The following VPS13A variants were observed in gnomAD, a reference collection of about 807,000 sequenced individuals.
The protein encoded by VPS13A is intermembrane lipid transfer protein VPS13A.
A neutral mutation model predicts 390.9 loss-of-function variants in VPS13A; 264 were observed. The observed-to-expected ratio is 0.68, with a 90% CI of 0.61 to 0.75. The LOEUF is 0.75. Among genes scored for constraint, VPS13A ranks in the 30% least tolerant of loss-of-function variants. VPS13A has a pLI of 0.00. For missense variants in VPS13A, 3,409 were observed against 3,733.9 expected, an observed-to-expected ratio of 0.91 and a Z score of 2.27; for synonymous variants, 1,231 against 1,227.1, an observed-to-expected ratio of 1.00 and a Z score of -0.07.
chr9:77,365,391 C>T, intron 59 of VPS13A, 69 bp from the exon 60 acceptor site: 2 of 998,092 alleles, frequency 2.0e-6, no homozygotes, highest in Non-Finnish European at 3.2e-6. Flanking sequence ...GGCAGTGTGT[C>T]TTCTATTTGC....
At chr9:77,308,301 T>C (rs980887968) in intron 35 of VPS13A, among the ~76,000 whole-genome samples, 1 of 152,096 alleles carries the variant, frequency 6.6e-6, no homozygotes, top group Non-Finnish European at 1.5e-5. Context: ...CATTCAGACA[T>C]CTCTAAATTG....
intron 23 of VPS13A, among the ~76,000 whole-genome samples, chr9:77,265,003 TG>T (rs1205355119): frequency 1.3e-5 from 2 of 152,228 alleles, no homozygotes; most frequent in Non-Finnish European, 2.9e-5. Context: ...GTTTTTAGCA[TG>T]AAGGGTGTTG....
intron 36 of VPS13A, 137 bp downstream of exon 36, chr9:77,314,256 T>G: frequency 2.0e-6 from 2 of 982,828 alleles, no homozygotes; most frequent in African/African-American, 1.6e-5. Flanking sequence ...CTTTTTACTT[T>G]AATAATAATT....
At chr9:77,408,712 T>C (rs1395081455) in intron 71 of VPS13A, among the ~76,000 whole-genome samples, 1 of 152,164 alleles carries the variant, frequency 6.6e-6, no homozygotes, top group Non-Finnish European at 1.5e-5. Context: ...GCAGTCAGTC[T>C]GAGATCAAAG....
At chr9:77,299,981 G>A (rs1828249004) in intron 33 of VPS13A, among the ~76,000 whole-genome samples, 1 of 152,126 alleles carries the variant, frequency 6.6e-6, no homozygotes, top group South Asian at 2.1e-4. Flanking sequence ...TGTATGTGGA[G>A]CTTAAAATCT....
chr9:77,332,855 C>G (rs1830347275), intron 46 of VPS13A, among the ~76,000 whole-genome samples: 1 of 152,138 alleles, frequency 6.6e-6, no homozygotes, highest in Admixed American at 6.5e-5. Flanking sequence ...TACAGAAGGA[C>G]AGAGGCAAAA....
chr9:77,383,756 G>A (rs568914583), intron 68 of VPS13A, among the ~76,000 whole-genome samples: 15 of 151,982 alleles, frequency 9.9e-5, no homozygotes, highest in Non-Finnish European at 2.1e-4. Flanking sequence ...ATTTTTAATA[G>A]GTCAGTCTCA....
intron 31 of VPS13A, among the ~76,000 whole-genome samples, chr9:77,289,629 A>G (rs567297177): frequency 7.1e-4 from 108 of 152,264 alleles, no homozygotes; most frequent in African/African-American, 2.6e-3. Context: ...AAAACTCACA[A>G]TGTGTACCTA....
At chr9:77,297,949 G>C (rs182239704) in intron 33 of VPS13A, among the ~76,000 whole-genome samples, 1 of 152,302 alleles carries the variant, frequency 6.6e-6, no homozygotes, top group East Asian at 1.9e-4. Context: ...TAAGGTAAGG[G>C]AGTGAAGTAG....
At chr9:77,382,534 A>T in intron 68 of VPS13A, 2 of 1,214,860 alleles carry the variant, frequency 1.6e-6, no homozygotes. Context: ...CATTGGTGGT[A>T]CTTACTTAAC....
chr9:77,353,507 G>T lies in VPS13A; in HGVS notation c.7518G>T (p.Arg2506Ser), dbSNP rs1448526329. The part of the protein sequence containing the change: ...QRIILFTEDP[R>S]VFKVTYESEK... ...TTATTTTATTCACTGAAGATCCAAG[G>T]GTATTTAAAGTAACATATGAAAGTG... The change falls in exon 54 of 72, where the codon AGG becomes AGT. Residue 2506 changes from arginine to serine, a missense_variant. This residue lies in a region of VPS13A where 221 missense variants were observed against 300.7 expected (regional missense o/e 0.73). Coordinates refer to ENST00000360280, the MANE Select transcript of VPS13A (RefSeq NM_033305.3). 6.2e-7 allele frequency: 1 copy of T among 1,612,856 alleles called. No individual in the cohort carries two copies. The highest frequency in any genetic ancestry group is 8.5e-7 in the Non-Finnish European group (1 of 1,179,476).
chr9:77,199,311 G>A (rs887562946), intron 1 of VPS13A, among the ~76,000 whole-genome samples: 12 of 152,124 alleles, frequency 7.9e-5, no homozygotes, highest in African/African-American at 2.7e-4. Context: ...GGGACTACGG[G>A]TGCCTGCCAC....
At position 77,403,291 on chromosome 9, in the gene VPS13A, A is replaced by G. The variant is rs755175373; in HGVS notation, c.9245A>G (p.Asn3082Ser). 12 of 1,612,350 alleles carry G rather than the reference A, an allele frequency of 7.4e-6. No homozygotes were observed. Among genetic ancestry groups the G allele is most frequent in the Non-Finnish European group, 9.3e-6 (11 of 1,179,706 alleles). The change falls in exon 69 of 72, where the codon AAT (asparagine) becomes AGT (serine). Residue 3082 changes from asparagine to serine, a missense_variant. Asn to Ser is a conservative substitution (Grantham distance 46). Transcript: ENST00000360280. ...AAATATTTTACCCATGTCATGATCAATAAGACAGATATGCTAATGATAACC... is the reference window on the plus strand; with the variant it reads ...AAATATTTTACCCATGTCATGATCAGTAAGACAGATATGCTAATGATAACC... ...KYKYFTHVMI[N>S]KTDMLMITRR...
At chr9:77,404,877 C>T (rs1422116067) in intron 69 of VPS13A, among the ~76,000 whole-genome samples, 1 of 152,154 alleles carries the variant, frequency 6.6e-6, no homozygotes, top group Non-Finnish European at 1.5e-5. Flanking sequence ...GCTCCATCAG[C>T]TCCTGTAATC....
intron 7 of VPS13A, 79 bp downstream of exon 7, chr9:77,210,754 A>C: frequency 7.0e-7 from 1 of 1,423,594 alleles, no homozygotes; most frequent in Non-Finnish European, 9.9e-7. Flanking sequence ...TGTATATGCC[A>C]GCATCAGAAA....
At chr9:77,248,277 A>G (rs1034364366) in intron 20 of VPS13A, among the ~76,000 whole-genome samples, 3 of 148,830 alleles carry the variant, frequency 2.0e-5, no homozygotes, top group Non-Finnish European at 4.5e-5. Flanking sequence ...GTGCAGTGGC[A>G]CGATCTCGGC....
At chr9:77,219,889 C>A in intron 10 of VPS13A, 65 bp from the exon 11 acceptor site, 1 of 1,535,868 alleles carries the variant, frequency 6.5e-7, no homozygotes, top group Non-Finnish European at 9.0e-7. Context: ...TCAACTTCAT[C>A]ACTTTATTGC....
rs1434467192 is a variant in VPS13A, at chr9:77,177,618, C to G, written c.-87C>G. 1 of 1,295,886 alleles carries G rather than the reference C, an allele frequency of 7.7e-7. No homozygotes were observed. The highest frequency in any genetic ancestry group is 1.1e-6 in the Non-Finnish European group (1 of 912,088). 80.3% of individuals were successfully genotyped at this position (1,295,886 alleles called of 1,614,324 possible). On this transcript the variant is annotated 5_prime_UTR_variant, in exon 1 of 72. Coordinates refer to ENST00000360280, the MANE Select transcript of VPS13A (RefSeq NM_033305.3). ...CTGAAGCCGCCCCGGAGCCGGTGAA[C>G]CGAATTACCTCGAGGGAGGGGCGTG...
intron 23 of VPS13A, among the ~76,000 whole-genome samples, chr9:77,264,227 G>A (rs534688417): frequency 5.3e-5 from 8 of 152,232 alleles, no homozygotes; most frequent in Admixed American, 1.3e-4. Flanking sequence ...GTCAGGTAGC[G>A]TGATGCCTCC....
Sources: gnomAD v4.1 joint callset for allele counts (sites outside exome capture counted in the v4.1 genomes callset) on GRCh38, gnomAD v4.1.1 for gene constraint, gnomAD v4.1.1 regional missense constraint, MANE v1.5 for transcripts, NCBI Gene and HGNC (gene_info 2026-07-23, HGNC 2026-07-21) for gene names.